SNX16: variants seen among roughly 807,000 people sequenced by gnomAD.
SNX16 encodes sorting nexin 16.
Under a neutral mutation model 36.7 loss-of-function variants are expected in SNX16, and 35 were observed. The observed-to-expected ratio is 0.95, with a 90% confidence interval of 0.73 to 1.27. The LOEUF (loss-of-function observed/expected upper bound fraction) is 1.27, where lower values mean the gene tolerates loss of function less well. SNX16 is among the 50% of genes most tolerant of loss of function. SNX16 has a pLI of 0.00. For missense variants in SNX16, 367 were observed against 393.6 expected (o/e 0.93, Z 0.57); for synonymous variants, 134 against 132.0 (o/e 1.02, Z -0.10).
intron 2 of SNX16, among the ~76,000 whole-genome samples, chr8:81,832,601 AC>A (rs1341338124): frequency 1.3e-5 from 2 of 151,854 alleles, no homozygotes; most frequent in Non-Finnish European, 2.9e-5. Flanking sequence ...ATACCAAAAA[AC>A]CCCAACTGAA....
At chr8:81,836,382 A>G (rs538221150) in intron 2 of SNX16, among the ~76,000 whole-genome samples, 143 of 152,330 alleles carry the variant, frequency 9.4e-4, no homozygotes, top group African/African-American at 3.3e-3. Flanking sequence ...ATATGTATAC[A>G]CACACATTAC....
At chr8:81,824,534 TAAAAAA>T (rs146342490) in intron 3 of SNX16, among the ~76,000 whole-genome samples, 3 of 152,066 alleles carry the variant, frequency 2.0e-5, no homozygotes, top group African/African-American at 7.2e-5. Flanking sequence ...TTTTAGATCA[TAAAAAA>T]AGTCTGCTTA....
Position 81,801,081 on chromosome 8 carries a change from C to T in SNX16, c.*416G>A, listed in dbSNP as rs1350775067. 1 of 152,340 alleles carries T rather than the reference C, an allele frequency of 6.6e-6. No homozygotes were observed. The highest frequency in any genetic ancestry group is 1.5e-5 in the Non-Finnish European group (1 of 67,978). The allele number at this position is 152,340 out of a possible 1,614,324, so 9.4% of individuals were successfully genotyped here. A position where few individuals can be genotyped will look rare whatever the true frequency, so the allele number is the denominator to read the frequency against. ...AACTATTAATGAAAATATGTCATGT[C>T]AGAGATATAAAGAAGAATATATCAC... On this transcript the variant is annotated 3_prime_UTR_variant, in exon 8 of 8. Transcript: ENST00000345957.
intron 5 of SNX16, chr8:81,807,664 C>T (rs1304302385): frequency 4.1e-6 from 2 of 488,822 alleles, no homozygotes; most frequent in Admixed American, 2.7e-5. Context: ...ACTGGTCATC[C>T]ATACAGAAAA....
Position 81,801,581 on chromosome 8 carries a change from T to A in SNX16, c.951A>T (p.Lys317Asn), listed in dbSNP as rs1317324354. Residue 317 changes from lysine to asparagine, a missense_variant, in exon 8 of 8, where the codon AAA (lysine) becomes AAT (asparagine). Lys to Asn is a moderately conservative substitution (Grantham distance 94, BLOSUM62 0). Transcript: ENST00000345957. ...VLDEESRADNKPCLSFSEPEN... is the reference protein window; with the variant it reads ...VLDEESRADNNPCLSFSEPEN... The stretch of plus-strand genomic sequence containing the variant: ...CAGGTTCACTAAAACTTAAGCATGG[T>A]TTATTATCAGCTCTGCAAAAAAAAA... 6.3e-7 allele frequency: 1 copy of A among 1,578,620 alleles called. No individual in the cohort carries two copies. The highest frequency in any genetic ancestry group is 8.6e-7 in the Non-Finnish European group (1 of 1,169,364).
chr8:81,803,240 C>T lies in SNX16; in HGVS notation c.682-12G>A. 1 of 1,585,648 alleles carries T rather than the reference C, an allele frequency of 6.3e-7. No homozygotes were observed. Among genetic ancestry groups the T allele is most frequent in the East Asian group, 2.3e-5 (1 of 44,176 alleles). ...GTTTCACAGAATGCCTTAAAAAAAA[C>T]AACAAACAAAACTAAACACATGCAG... is the stretch of plus-strand genomic sequence containing the variant. On this transcript the variant is annotated splice_polypyrimidine_tract_variant and intron_variant, in intron 5 of 7. Transcript: ENST00000345957.
intron 5 of SNX16, chr8:81,807,860 T>C: frequency 1.3e-6 from 1 of 764,084 alleles, no homozygotes; most frequent in Non-Finnish European, 2.4e-6. Context: ...GATGAGAGCC[T>C]GAGGAGCCAT....
In SNX16 at chr8:81,840,956, A is replaced by T. The variant is rs1586030740; in HGVS notation, c.-96-874T>A. 3.4e-5 allele frequency among the ~76,000 whole-genome samples: 3 copies of T among 87,092 alleles called. No homozygotes were observed. In the South Asian group the frequency reaches 1.5e-3, roughly 44 times the overall value. 57.1% of individuals were successfully genotyped at this position (87,092 alleles called of 152,430 possible). ...CCAACAAAATGACAAGACTACACAC[A>T]ACAATAACTGCCCAACTTTTCATAC... is the stretch of plus-strand genomic sequence containing the variant. On this transcript the variant is annotated intron_variant, in intron 1 of 7. Transcript: ENST00000345957.
intron 1 of SNX16, among the ~76,000 whole-genome samples, chr8:81,841,153 CAACATGGTGA>C (rs1392332436): frequency 6.6e-6 from 1 of 152,082 alleles, no homozygotes. Flanking sequence ...CTAGCCTGGC[CAACATGGTGA>C]AACCCCGTCT....
intron 3 of SNX16, among the ~76,000 whole-genome samples, chr8:81,824,668 G>A (rs1810936603): frequency 6.6e-6 from 1 of 152,064 alleles, no homozygotes. Flanking sequence ...TCTTAGGGAA[G>A]ACTTTCCCAA....
At position 81,838,845 on chromosome 8, in the gene SNX16, T is replaced by C. The variant is rs1187968672; in HGVS notation, c.375+767A>G. ...AAAGGCAAACCACAGAGTGAGAGGA[T>C]AGTCATAATACATGTATCTGAAAAA... On this transcript the variant is annotated intron_variant, in intron 2 of 7. Coordinates refer to ENST00000345957, the MANE Select transcript of SNX16 (RefSeq NM_152836.3). Among the ~76,000 whole-genome samples the C allele has an allele frequency of 4.6e-5, 7 of 151,810 alleles. No homozygotes were observed. The East Asian group carries it at 1.2e-3, about 25-fold the overall frequency.
At position 81,801,700 on chromosome 8, in the gene SNX16, A is replaced by T. The variant is rs569956674; in HGVS notation, c.939-107T>A. On this transcript the variant is annotated intron_variant, in intron 7 of 7. Transcript: ENST00000345957. Reference sequence around the variant, plus strand: ...AAATCTTCTACCTTATAGAAAATTTACATACTTAGTGTAAAAGTATTTAAT... The same window carrying T: ...AAATCTTCTACCTTATAGAAAATTTTCATACTTAGTGTAAAAGTATTTAAT... The T allele has an allele frequency of 8.1e-4, 496 of 615,206 alleles. 3 individuals carry two copies. The highest frequency in any genetic ancestry group is 5.9e-3 in the South Asian group (239 of 40,634). The allele number at this position is 615,206 out of a possible 1,614,324, so 38.1% of individuals were successfully genotyped here. A position where few individuals can be genotyped will look rare whatever the true frequency, so the allele number is the denominator to read the frequency against.
intron 2 of SNX16, among the ~76,000 whole-genome samples, chr8:81,838,421 A>C (rs568995148): frequency 1.8e-4 from 28 of 152,248 alleles, no homozygotes; most frequent in African/African-American, 6.5e-4. Flanking sequence ...TTATTAATTA[A>C]GACAGTGTGA....
At chr8:81,830,793 A>T (rs1373414216) in intron 2 of SNX16, among the ~76,000 whole-genome samples, 1 of 152,154 alleles carries the variant, frequency 6.6e-6, no homozygotes, top group Non-Finnish European at 1.5e-5. Flanking sequence ...ACCAAAAAAG[A>T]GCTGAAATAG....
At chr8:81,818,412 T>C (rs1355218190) in intron 4 of SNX16, among the ~76,000 whole-genome samples, 1 of 152,132 alleles carries the variant, frequency 6.6e-6, no homozygotes, top group African/African-American at 2.4e-5. Flanking sequence ...GTTGCAAATG[T>C]ACAAAAGTTA....
At chr8:81,807,614 T>C (rs1810026200) in intron 5 of SNX16, among the ~76,000 whole-genome samples, 2 of 150,518 alleles carry the variant, frequency 1.3e-5, no homozygotes, top group Admixed American at 1.3e-4. Context: ...TACTAATTAG[T>C]GCAGTAGGGA....
Position 81,815,397 on chromosome 8 carries a change from T to C in SNX16, c.612-3A>G, listed in dbSNP as rs1345155654. 10 of 1,609,116 alleles carry C rather than the reference T, an allele frequency of 6.2e-6. No individual in the cohort carries two copies. The highest frequency in any genetic ancestry group is 7.6e-6 in the Non-Finnish European group (9 of 1,177,998). ...AAAGAAATTCTCTCACTGCAAGGCT[T>C]TTCAAAGGAAAAAAAAAATGATCTG... On this transcript the variant is annotated splice_region_variant and splice_polypyrimidine_tract_variant and intron_variant, in intron 4 of 7. Transcript: ENST00000345957.
intron 4 of SNX16, among the ~76,000 whole-genome samples, chr8:81,821,071 T>C (rs1810720488): frequency 6.6e-6 from 1 of 150,480 alleles, no homozygotes; most frequent in African/African-American, 2.4e-5. Flanking sequence ...CCTAAATGCC[T>C]GATAATATAT....
chr8:81,835,597 C>T (rs1811459680), intron 2 of SNX16, among the ~76,000 whole-genome samples: 1 of 152,212 alleles, frequency 6.6e-6, no homozygotes, highest in Non-Finnish European at 1.5e-5. Context: ...TAAATCATCC[C>T]TCTCAAGTTC....
Sources: gnomAD v4.1 joint callset for allele counts (sites outside exome capture counted in the v4.1 genomes callset) on GRCh38, gnomAD v4.1.1 for gene constraint, MANE v1.5 for transcripts, NCBI Gene and HGNC (gene_info 2026-07-23, HGNC 2026-07-21) for gene names.